ATG16L1: variants seen among roughly 807,000 people sequenced by gnomAD.
ATG16L1 encodes autophagy related 16 like 1, also known as autophagy-related protein 16-1.
A neutral mutation model predicts 88.5 loss-of-function variants in ATG16L1; 37 were observed. The observed-to-expected ratio is 0.42, with a 90% CI of 0.32 to 0.55. The LOEUF is 0.55. ATG16L1 is among the 20% of genes least tolerant of loss of function. The pLI, the probability that ATG16L1 is intolerant of heterozygous loss-of-function variation, is 0.13. For missense variants in ATG16L1, 554 were observed against 752.8 expected, an observed-to-expected ratio of 0.74 and a Z score of 3.09; for synonymous variants, 301 against 281.0, an observed-to-expected ratio of 1.07 and a Z score of -0.71.
In ATG16L1 at chr2:233,270,017, G is replaced by C. The variant is rs759881664; in HGVS notation, c.657G>C (p.Arg219=). ...TTCCCAACAGGAGGCGGCAAGCCCG[G>C]CTGCAGAAAGAGCTTGCAGAAGCAG... is the stretch of plus-strand genomic sequence containing the variant. ...NEKDSRRRQA[R]LQKELAEAAK... is the part of the protein sequence containing the mutation. The change falls in exon 6 of 18, where the codon CGG becomes CGC. Residue 219 remains arginine (R), a synonymous_variant. Transcript: ENST00000392017. 1.9e-6 allele frequency: 3 copies of C among 1,579,384 alleles called. No individual in the cohort carries two copies. The highest frequency in any genetic ancestry group is 2.6e-6 in the Non-Finnish European group (3 of 1,166,600).
chr2:233,258,057 C>G (rs533488675), intron 2 of ATG16L1, among the ~76,000 whole-genome samples: 49 of 150,552 alleles, frequency 3.3e-4, no homozygotes, highest in African/African-American at 1.1e-3. Flanking sequence ...ATATCTATCT[C>G]TTGGTGTGTA....
At chr2:233,274,526 A>T in intron 8 of ATG16L1, 150 bp from the exon 9 acceptor site, 1 of 558,640 alleles carries the variant, frequency 1.8e-6, no homozygotes, top group Non-Finnish European at 3.1e-6. Flanking sequence ...TTTTTTGTGA[A>T]TTGTTCTGTA....
chr2:233,279,524 T>G (rs1464426485), intron 10 of ATG16L1, among the ~76,000 whole-genome samples: 1 of 152,348 alleles, frequency 6.6e-6, no homozygotes, highest in East Asian at 1.9e-4. Context: ...TACAAACAGC[T>G]GTTTCAGTCT....
chr2:233,276,356 C>A (rs1319975438), intron 9 of ATG16L1, among the ~76,000 whole-genome samples: 3 of 152,074 alleles, frequency 2.0e-5, no homozygotes, highest in South Asian at 2.1e-4. Context: ...GTATCTCTTC[C>A]CCCCCACACT....
Position 233,270,081 on chromosome 2 carries a change from A to C in ATG16L1, c.707+14A>C, listed in dbSNP as rs1338324391. On this transcript the variant is annotated intron_variant, in intron 6 of 17. Coordinates refer to ENST00000392017, the MANE Select transcript of ATG16L1 (RefSeq NM_030803.7). ...ACCAGTCGAACAGTAAGTAAAGATA[A>C]ATGAATCAAAACTGTGTTTCTGAAA... 6.4e-7 allele frequency: 1 copy of C among 1,565,672 alleles called. No individual in the cohort carries two copies.
chr2:233,276,016 G>GAAACCATAAAA (rs758546997), intron 9 of ATG16L1: 5 of 507,092 alleles, frequency 9.9e-6, no homozygotes, highest in Admixed American at 2.0e-5. Flanking sequence ...TAAGGAGAAA[G>GAAACCATAAAA]AAACCATAAA....
At chr2:233,261,727 C>A (rs1408588592) in intron 2 of ATG16L1, among the ~76,000 whole-genome samples, 32 of 152,174 alleles carry the variant, frequency 2.1e-4, no homozygotes, top group Admixed American at 2.1e-3. Flanking sequence ...TTTCCCTAGA[C>A]AGTGGTTTCA....
At chr2:233,270,510 GAATTCT>G (rs1209977600) in intron 6 of ATG16L1, among the ~76,000 whole-genome samples, 4 of 152,186 alleles carry the variant, frequency 2.6e-5, no homozygotes, top group African/African-American at 9.6e-5. Flanking sequence ...CTGTGAATGT[GAATTCT>G]AACTTCCTGC....
In ATG16L1 at chr2:233,293,577, C is replaced by CA. The variant is rs148846052; in HGVS notation, c.1730+221dup. Among the ~76,000 whole-genome samples, 946 of 152,216 alleles carry CA rather than the reference C, an allele frequency of 6.2e-3. 16 individuals carry two copies. The highest frequency in any genetic ancestry group is 0.021 in the African/African-American group (877 of 41,518). On this transcript the variant is annotated intron_variant, in intron 17 of 17. Coordinates refer to ENST00000392017, the MANE Select transcript of ATG16L1 (RefSeq NM_030803.7). The stretch of plus-strand genomic sequence containing the variant: ...ACGCCAGGTAGAGCGGTTAGAGTGG[C>CA]AGCCGCTGGAGAAAGGGTTATAGAA...
At chr2:233,264,140 C>A (rs764485939) in intron 4 of ATG16L1, 75 bp downstream of exon 4, 47 of 1,493,942 alleles carry the variant, frequency 3.1e-5, no homozygotes, top group Non-Finnish European at 4.2e-5. Flanking sequence ...CTCTTGTGAG[C>A]AGGGCCAGTG....
intron 8 of ATG16L1, 66 bp downstream of exon 8, chr2:233,273,843 T>C (rs973315558): frequency 6.4e-6 from 10 of 1,560,048 alleles, no homozygotes; most frequent in South Asian, 3.4e-5. Context: ...ACATGACTTA[T>C]TTTTATTCTT....
At position 233,256,046 on chromosome 2, in the gene ATG16L1, C is replaced by T. The variant is rs184644469; in HGVS notation, c.116-56C>T. 1,166 of 1,381,894 alleles carry T rather than the reference C, an allele frequency of 8.4e-4. 13 individuals are homozygous for T. In the African/African-American group the frequency reaches 0.015, roughly 18 times the overall value. 85.6% of individuals were successfully genotyped at this position (1,381,894 alleles called of 1,614,324 possible). A position where few individuals can be genotyped will look rare whatever the true frequency, so the allele number is the denominator to read the frequency against. Reference sequence around the variant, plus strand: ...AATACATGACAAGGTAGGTACCTAGCAAGTGTACATACGTTGTAATAAATA... The same window carrying T: ...AATACATGACAAGGTAGGTACCTAGTAAGTGTACATACGTTGTAATAAATA... On this transcript the variant is annotated intron_variant, in intron 1 of 17. Transcript: ENST00000392017.
In ATG16L1 at chr2:233,264,017, A is replaced by G; in HGVS notation, c.341A>G (p.Asn114Ser). ...TTAGCTCAACTGGTGATTGACCTGA[A>G]TAACCAAATGCAGCGGAAGGACAGG... ...GELAQLVIDL[N>S]NQMQRKDREM... Residue 114 changes from asparagine (N) to serine (S), a missense_variant, in exon 4 of 18, where the codon AAT becomes AGT. Physicochemically the swap from Asn to Ser is conservative, Grantham distance 46. Around this residue, in one of 5 missense-constraint regions of ATG16L1, gnomAD observed 50 missense variants for 49.4 expected, o/e 1.01. Coordinates refer to ENST00000392017, the MANE Select transcript of ATG16L1 (RefSeq NM_030803.7). 1 of 1,614,092 alleles carries G rather than the reference A, an allele frequency of 6.2e-7. No homozygotes were observed. The highest frequency in any genetic ancestry group is 8.5e-7 in the Non-Finnish European group (1 of 1,179,932).
chr2:233,267,513 G>T (rs1356244863), intron 5 of ATG16L1, among the ~76,000 whole-genome samples: 1 of 152,146 alleles, frequency 6.6e-6, no homozygotes, highest in African/African-American at 2.4e-5. Flanking sequence ...GTTTATTTTT[G>T]GGGGTGGTGA....
rs1478641346 is a variant in ATG16L1, at chr2:233,256,090, T to G, written c.116-12T>G. 2 of 1,609,316 alleles carry G rather than the reference T, an allele frequency of 1.2e-6. No individual in the cohort carries two copies. The highest frequency in any genetic ancestry group is 2.7e-5 in the African/African-American group (2 of 74,802). ...ATAAATAACTTAGTTTCTGACTTTT[T>G]TATTTTAATAGATAACAAATTGCTG... On this transcript the variant is annotated splice_polypyrimidine_tract_variant and intron_variant, in intron 1 of 17. Coordinates refer to ENST00000392017, the MANE Select transcript of ATG16L1 (RefSeq NM_030803.7).
chr2:233,292,468 C>A, intron 16 of ATG16L1, 34 bp downstream of exon 16: 1 of 1,611,878 alleles, frequency 6.2e-7, no homozygotes, highest in Non-Finnish European at 8.5e-7. Context: ...CAATTTGGTT[C>A]ATCACAAAGA....
At chr2:233,282,844 T>C in intron 12 of ATG16L1, 91 bp downstream of exon 12, 1 of 1,153,814 alleles carries the variant, frequency 8.7e-7, no homozygotes, top group South Asian at 1.3e-5. Context: ...TAGGGGACTT[T>C]GTTTTCCCAA....
At chr2:233,265,260 C>T in intron 5 of ATG16L1, 117 bp downstream of exon 5, 1 of 1,341,694 alleles carries the variant, frequency 7.5e-7, no homozygotes, top group Non-Finnish European at 1.0e-6. Flanking sequence ...GGAATTCTTT[C>T]AGTGTTTCAA....
intron 5 of ATG16L1, among the ~76,000 whole-genome samples, chr2:233,267,696 C>G (rs538194620): frequency 1.3e-5 from 2 of 152,308 alleles, no homozygotes; most frequent in African/African-American, 4.8e-5. Context: ...GTGTTGGGGG[C>G]CCCAGGTGAG....
Sources: allele counts gnomAD v4.1 joint callset (sites outside exome capture counted in the v4.1 genomes callset), GRCh38; gene constraint gnomAD v4.1.1; regional missense constraint gnomAD v4.1.1; transcripts MANE v1.5; gene names NCBI Gene and HGNC (gene_info 2026-07-23, HGNC 2026-07-21).